Variants in PDE1C observed in about 807,000 individuals in gnomAD.
The protein encoded by PDE1C is phosphodiesterase 1C.
A neutral mutation model predicts 93.1 loss-of-function variants in PDE1C; 62 were observed. That is an observed-to-expected ratio of 0.67 (90% CI 0.54 to 0.82). PDE1C has a LOEUF of 0.82. PDE1C is among the 40% of genes least tolerant of loss of function. PDE1C has a pLI of 0.00. For synonymous variants in PDE1C, 325 were observed against 310.1 expected, an observed-to-expected ratio of 1.05 and a Z score of -0.50; for missense variants, 742 against 884.6, an observed-to-expected ratio of 0.84 and a Z score of 2.04.
At chr7:32,047,112 G>C (rs1792710709) in intron 2 of PDE1C, among the ~76,000 whole-genome samples, 1 of 149,890 alleles carries the variant, frequency 6.7e-6, no homozygotes, top group Non-Finnish European at 1.5e-5. Flanking sequence ...CTCTATCATA[G>C]ATTCAGCTTG....
intron 1 of PDE1C, among the ~76,000 whole-genome samples, chr7:32,414,567 C>T (rs888340754): frequency 1.3e-5 from 2 of 152,060 alleles, no homozygotes; most frequent in Non-Finnish European, 2.9e-5. Flanking sequence ...AGAATGAAAC[C>T]ATTTTCAACT....
At chr7:31,828,768 G>A (rs1019766773) in intron 11 of PDE1C, among the ~76,000 whole-genome samples, 4 of 152,136 alleles carry the variant, frequency 2.6e-5, no homozygotes, top group Admixed American at 2.0e-4. Context: ...TCCCAGATGT[G>A]GGCAGTGTCT....
chr7:32,193,806 T>G (rs552619792), intron 2 of PDE1C, among the ~76,000 whole-genome samples: 1 of 152,108 alleles, frequency 6.6e-6, no homozygotes, highest in East Asian at 1.9e-4. Flanking sequence ...GACAGCTTTT[T>G]ATTACATACT....
At chr7:31,713,610 G>A in the PDE1C span, among the ~76,000 whole-genome samples, 2 of 152,206 alleles carry the variant, frequency 1.3e-5, no homozygotes, top group Non-Finnish European at 2.9e-5. Flanking sequence ...CACCACCCTA[G>A]CAGGGGTTCT....
chr7:32,369,489 A>C (rs1478930773), intron 1 of PDE1C, among the ~76,000 whole-genome samples: 1 of 152,170 alleles, frequency 6.6e-6, no homozygotes, highest in South Asian at 2.1e-4. Flanking sequence ...AAAAAATAAC[A>C]AATGTTGACA....
chr7:31,731,306 C>A, the PDE1C span, among the ~76,000 whole-genome samples: 1 of 152,118 alleles, frequency 6.6e-6, no homozygotes, highest in South Asian at 2.1e-4. Context: ...GTTCATTTAG[C>A]TCTTCAGGAG....
chr7:31,761,629 G>T (rs1794838397), intron 17 of PDE1C, among the ~76,000 whole-genome samples: 2 of 152,166 alleles, frequency 1.3e-5, no homozygotes, highest in South Asian at 4.1e-4. Flanking sequence ...CTGCATATGG[G>T]AACCACATAG....
chr7:31,878,184 T>C, intron 4 of PDE1C, 148 bp from the exon 5 acceptor site: 1 of 567,628 alleles, frequency 1.8e-6, no homozygotes, highest in Non-Finnish European at 3.1e-6. Flanking sequence ...ATTTTTAATA[T>C]TCACTCAGGT....
intron 14 of PDE1C, among the ~76,000 whole-genome samples, chr7:31,817,714 G>A (rs940276391): frequency 4.6e-5 from 7 of 152,200 alleles, no homozygotes; most frequent in Middle Eastern, 6.8e-3. Flanking sequence ...CTAGAAAAAA[G>A]CTAATGCTCA....
In PDE1C at chr7:32,225,425, G is replaced by A. The variant is rs1289195445; in HGVS notation, c.86-15886C>T. 4.6e-5 allele frequency among the ~76,000 whole-genome samples: 7 copies of A among 152,072 alleles called. No homozygotes were observed. The East Asian group carries it at 1.3e-3, about 29-fold the overall frequency. On this transcript the variant is annotated intron_variant, in intron 1 of 18. Coordinates refer to the PDE1C transcript ENST00000396193. ...CCTAACTGCCTGGAGAACCATAGCA[G>A]TTTTCATTTTCTGTTTCACAAGGCT...
chr7:31,935,756 C>T (rs750344720), intron 2 of PDE1C, among the ~76,000 whole-genome samples: 8 of 152,020 alleles, frequency 5.3e-5, no homozygotes, highest in Non-Finnish European at 1.2e-4. Context: ...TATGGGGGAC[C>T]GAAGAATGAC....
intron 2 of PDE1C, among the ~76,000 whole-genome samples, chr7:31,912,196 TAAG>T (rs1801327685): frequency 6.6e-6 from 1 of 152,160 alleles, no homozygotes; most frequent in Non-Finnish European, 1.5e-5. Context: ...AAACAATAGA[TAAG>T]AAGAGAGAAT....
intron 1 of PDE1C, among the ~76,000 whole-genome samples, chr7:32,348,288 G>A (rs1783891647): frequency 6.9e-6 from 1 of 145,512 alleles, no homozygotes; most frequent in Non-Finnish European, 1.5e-5. Flanking sequence ...CTCAATAAAT[G>A]TTAGCTTACT....
chr7:31,621,298 A>C, the PDE1C span, among the ~76,000 whole-genome samples: 1 of 87,592 alleles, frequency 1.1e-5, no homozygotes, highest in Non-Finnish European at 2.4e-5. Flanking sequence ...TCCAAGACAC[A>C]TAATTGTCAG....
At chr7:32,021,488 C>A (rs551330768) in intron 2 of PDE1C, among the ~76,000 whole-genome samples, 1 of 152,228 alleles carries the variant, frequency 6.6e-6, no homozygotes, top group Non-Finnish European at 1.5e-5. Context: ...TCTTGTTTAT[C>A]ATTTATCAAA....
chr7:32,313,102 T>C lies in PDE1C; in HGVS notation c.311-103563A>G, dbSNP rs182147400. Among the ~76,000 whole-genome samples, 409 of 150,944 alleles carry C rather than the reference T, an allele frequency of 2.7e-3. 2 individuals carry two copies. In the Middle Eastern group the frequency reaches 0.034, roughly 13 times the overall value. On this transcript the variant is annotated intron_variant, in intron 1 of 1. Transcript: ENST00000672256. Reference sequence around the variant, plus strand: ...TCAAAAAGTGGGCGAAGGATATGAATAGACACTCCTCAAAAGAAGACATTT... The same window carrying C: ...TCAAAAAGTGGGCGAAGGATATGAACAGACACTCCTCAAAAGAAGACATTT...
intron 3 of PDE1C, among the ~76,000 whole-genome samples, chr7:32,168,231 T>G (rs562755905): frequency 3.2e-4 from 49 of 152,336 alleles, no homozygotes; most frequent in African/African-American, 1.2e-3. Context: ...TGATATTCAA[T>G]TTATAACTTA....
chr7:32,100,842 T>C (rs977080801), intron 3 of PDE1C, among the ~76,000 whole-genome samples: 19 of 152,192 alleles, frequency 1.2e-4, no homozygotes, highest in African/African-American at 4.6e-4. Flanking sequence ...CTCCCTAGTA[T>C]TCAAACAAGT....
At chr7:31,806,025 A>C (rs10232623) in intron 16 of PDE1C, among the ~76,000 whole-genome samples, 2,945 of 152,012 alleles carry the variant, frequency 0.019, 93 homozygotes, top group African/African-American at 0.067. Flanking sequence ...TTGGCAAAAG[A>C]AGACATTCAT....
Sources: allele counts gnomAD v4.1 joint callset (sites outside exome capture counted in the v4.1 genomes callset), GRCh38; gene constraint gnomAD v4.1.1; transcripts MANE v1.5; gene names NCBI Gene and HGNC (gene_info 2026-07-23, HGNC 2026-07-21).